Variants in KCNMA1 observed in about 807,000 individuals in gnomAD.
KCNMA1 encodes the protein potassium calcium-activated channel subfamily M alpha 1.
A neutral mutation model predicts 140.0 loss-of-function variants in KCNMA1; 29 were observed. The observed-to-expected ratio is 0.21, with a 90% CI of 0.15 to 0.28. The LOEUF is 0.28. Among genes scored for constraint, KCNMA1 ranks in the 10% least tolerant of loss-of-function variants. The pLI, the probability that KCNMA1 is intolerant of heterozygous loss-of-function variation, is 1.00. For missense variants in KCNMA1, 880 were observed against 1,602.2 expected, an observed-to-expected ratio of 0.55 and a Z score of 7.70; for synonymous variants, 612 against 611.9, an observed-to-expected ratio of 1.00 and a Z score of 0.00.
intron 1 of KCNMA1, among the ~76,000 whole-genome samples, chr10:77,511,209 C>T (rs1254759081): frequency 6.6e-6 from 1 of 152,206 alleles, no homozygotes; most frequent in African/African-American, 2.4e-5. Flanking sequence ...ATGTGCATTT[C>T]TAACAAATTC....
chr10:77,244,308 T>C (rs1205676769), intron 3 of KCNMA1, among the ~76,000 whole-genome samples: 1 of 152,218 alleles, frequency 6.6e-6, no homozygotes, highest in Non-Finnish European at 1.5e-5. Flanking sequence ...TCTAATACTA[T>C]ATTCTACAGT....
intron 5 of KCNMA1, among the ~76,000 whole-genome samples, chr10:77,160,909 A>T (rs562743176): frequency 9.2e-5 from 14 of 152,328 alleles, no homozygotes; most frequent in African/African-American, 3.1e-4. Flanking sequence ...AGGTGACTCA[A>T]CAACTCATAA....
At chr10:77,260,985 C>A (rs2061849370) in intron 2 of KCNMA1, among the ~76,000 whole-genome samples, 1 of 152,114 alleles carries the variant, frequency 6.6e-6, no homozygotes, top group African/African-American at 2.4e-5. Context: ...TTTGTATGCA[C>A]ACAAACACGC....
At chr10:77,608,516 C>G (rs528794601) in intron 1 of KCNMA1, among the ~76,000 whole-genome samples, 1 of 152,014 alleles carries the variant, frequency 6.6e-6, no homozygotes, top group African/African-American at 2.4e-5. Context: ...TGAGCCCCGG[C>G]CAAGGAGAGG....
chr10:77,057,672 T>C (rs1373622506), intron 14 of KCNMA1, among the ~76,000 whole-genome samples: 1 of 151,870 alleles, frequency 6.6e-6, no homozygotes, highest in Non-Finnish European at 1.5e-5. Flanking sequence ...AATCATGGAA[T>C]CCAAGTAGAC....
chr10:77,489,399 G>A (rs187389079), intron 1 of KCNMA1, among the ~76,000 whole-genome samples: 19 of 151,854 alleles, frequency 1.3e-4, no homozygotes, highest in East Asian at 7.8e-4. Flanking sequence ...GGAGTGGCAC[G>A]ATCTTGGCTG....
chr10:77,189,417 G>A (rs543700842), intron 3 of KCNMA1, among the ~76,000 whole-genome samples: 1 of 152,054 alleles, frequency 6.6e-6, no homozygotes, highest in South Asian at 2.1e-4. Flanking sequence ...AAGATACAGG[G>A]AAGCAATTGC....
intron 2 of KCNMA1, among the ~76,000 whole-genome samples, chr10:77,343,013 G>C (rs1317228170): frequency 2.0e-5 from 3 of 152,146 alleles, no homozygotes; most frequent in Non-Finnish European, 4.4e-5. Flanking sequence ...ATCCAGAATA[G>C]CCACTTTCCT....
intron 1 of KCNMA1, among the ~76,000 whole-genome samples, chr10:77,501,448 G>A (rs2154545163): frequency 6.6e-6 from 1 of 152,320 alleles, no homozygotes; most frequent in South Asian, 2.1e-4. Context: ...GACAATGGAT[G>A]GATGCCACCT....
At chr10:76,997,404 G>C (rs867897405) in intron 19 of KCNMA1, among the ~76,000 whole-genome samples, 4 of 152,210 alleles carry the variant, frequency 2.6e-5, no homozygotes, top group Non-Finnish European at 4.4e-5. Context: ...TTTAGCTAAA[G>C]CTGGTTCCAA....
At chr10:77,077,837 C>G (rs1413606661) in intron 13 of KCNMA1, 1 of 152,224 alleles carries the variant, frequency 6.6e-6, no homozygotes, top group Non-Finnish European at 1.5e-5. Context: ...TACCAATATC[C>G]TCACTTTATC....
rs1301576849 is a variant in KCNMA1, at chr10:76,886,359, G to A, written c.*907C>T. On this transcript the variant is annotated 3_prime_UTR_variant, in exon 28 of 28. Transcript: ENST00000286628. ...CCTTTTAAAAGATGTAAAAGTCCCA[G>A]GAAGGCAGTTTTTAATGACTTACAT... The A allele has an allele frequency of 1.0e-6, 1 of 984,806 alleles. No homozygotes were observed. The highest frequency in any genetic ancestry group is 1.7e-5 in the African/African-American group (1 of 57,176). 61.0% of individuals were successfully genotyped at this position (984,806 alleles called of 1,614,324 possible). A position where few individuals can be genotyped will look rare whatever the true frequency, so the allele number is the denominator to read the frequency against.
rs1452004573 is a variant in KCNMA1, at chr10:77,440,724, A to T, written c.379-36701T>A. 2.0e-5 allele frequency among the ~76,000 whole-genome samples: 3 copies of T among 152,216 alleles called. No individual in the cohort carries two copies. The East Asian group carries it at 5.8e-4, about 29-fold the overall frequency. ...CATTCTGAGTTGGAGGAAGCCTGGG[A>T]GGTTAAATGTCACTGGCTTTTGCAG... On this transcript the variant is annotated intron_variant, in intron 1 of 27. Coordinates refer to ENST00000286628, the MANE Select transcript of KCNMA1 (RefSeq NM_001161352.2).
At chr10:77,281,650 A>G (rs920972615) in intron 2 of KCNMA1, among the ~76,000 whole-genome samples, 5 of 152,162 alleles carry the variant, frequency 3.3e-5, no homozygotes, top group African/African-American at 1.2e-4. Context: ...GGAACCGGTG[A>G]CTGCCTTATG....
At chr10:77,045,688 A>C (rs547133098) in intron 14 of KCNMA1, among the ~76,000 whole-genome samples, 1 of 152,318 alleles carries the variant, frequency 6.6e-6, no homozygotes, top group African/African-American at 2.4e-5. Flanking sequence ...GTGGGTTGGT[A>C]ATGATGCCTT....
intron 3 of KCNMA1, among the ~76,000 whole-genome samples, chr10:77,204,775 A>G (rs907150894): frequency 6.6e-6 from 1 of 152,180 alleles, no homozygotes; most frequent in Admixed American, 6.5e-5. Flanking sequence ...ACATTAAGAA[A>G]TGTTAAGCTT....
rs759339608 is a variant in KCNMA1 at position 77,073,233 on chromosome 10, G to A, written c.1613C>T (p.Pro538Leu). ...YHNKAHLLNIPSWNWKEGDDA... is the reference protein window; with the variant it reads ...YHNKAHLLNILSWNWKEGDDA... ...ATCACCTTCTTTCCAATTCCAGCTC[G>A]GGATGTTTAGCAGATGGGCCTGGGG... is the stretch of plus-strand genomic sequence containing the variant. The change falls in exon 14 of 28, where the codon CCG (proline) becomes CTG (leucine). Residue 538 changes from proline to leucine, a missense_variant. Physicochemically the swap from Pro to Leu is moderately conservative, Grantham distance 98. Around this residue, in one of 13 missense-constraint regions of KCNMA1, gnomAD observed 198 missense variants for 580.1 expected, o/e 0.34. Transcript: ENST00000286628. The A allele has an allele frequency of 3.7e-6, 6 of 1,614,180 alleles. No homozygotes were observed. Among genetic ancestry groups the A allele is most frequent in the Non-Finnish European group, 4.2e-6 (5 of 1,180,000 alleles).
intron 1 of KCNMA1, among the ~76,000 whole-genome samples, chr10:77,486,306 C>T (rs1245284437): frequency 6.6e-6 from 1 of 152,176 alleles, no homozygotes; most frequent in East Asian, 1.9e-4. Flanking sequence ...AGAGAATGAA[C>T]TTAGGCTCTG....
rs147950970 is a variant in KCNMA1 at position 77,237,621 on chromosome 10, C to G, written c.602+13574G>C. Among the ~76,000 whole-genome samples the G allele has an allele frequency of 3.8e-3, 573 of 152,230 alleles. 4 individuals carry two copies. Among genetic ancestry groups the G allele is most frequent in the Non-Finnish European group, 6.3e-3 (430 of 68,014 alleles). On this transcript the variant is annotated intron_variant, in intron 3 of 27. Coordinates refer to ENST00000286628, the MANE Select transcript of KCNMA1 (RefSeq NM_001161352.2). ...TATAGGCACATACCACCATGACCAGCTAATCTTTAAAACATTTTCCAGGGC... is the reference window on the plus strand; with the variant it reads ...TATAGGCACATACCACCATGACCAGGTAATCTTTAAAACATTTTCCAGGGC...
Sources: gnomAD v4.1 joint callset for allele counts (sites outside exome capture counted in the v4.1 genomes callset) on GRCh38, gnomAD v4.1.1 for gene constraint, gnomAD v4.1.1 regional missense constraint, MANE v1.5 for transcripts, NCBI Gene and HGNC (gene_info 2026-07-23, HGNC 2026-07-21) for gene names.